The following SPIN1 variants were observed in gnomAD, a reference collection of about 807,000 sequenced individuals.
SPIN1 encodes spindlin-1.
A neutral mutation model predicts 26.0 loss-of-function variants in SPIN1; 3 were observed. That is an observed-to-expected ratio of 0.12 (90% CI 0.05 to 0.30). The LOEUF (loss-of-function observed/expected upper bound fraction) is 0.30, where lower values mean the gene tolerates loss of function less well. SPIN1 is among the 10% of genes least tolerant of loss of function. SPIN1 has a pLI of 1.00. For missense variants in SPIN1, 126 were observed against 333.4 expected (o/e 0.38, Z 4.84); for synonymous variants, 101 against 116.5 (o/e 0.87, Z 0.86).
intron 2 of SPIN1, among the ~76,000 whole-genome samples, chr9:88,440,581 C>A (rs1014633478): frequency 6.6e-6 from 1 of 151,878 alleles, no homozygotes; most frequent in Non-Finnish European, 1.5e-5. Flanking sequence ...TCCTTTCTAC[C>A]CTTTTTTTTT....
At chr9:88,428,450 C>G (rs986450766) in intron 2 of SPIN1, among the ~76,000 whole-genome samples, 1 of 152,180 alleles carries the variant, frequency 6.6e-6, no homozygotes, top group Non-Finnish European at 1.5e-5. Flanking sequence ...TCTCTTTCTG[C>G]ATTAGTTCAC....
At chr9:88,425,248 G>A (rs1425142602) in intron 1 of SPIN1, among the ~76,000 whole-genome samples, 2 of 152,128 alleles carry the variant, frequency 1.3e-5, no homozygotes, top group Non-Finnish European at 2.9e-5. Flanking sequence ...TGATGTGGCA[G>A]CTGGATAGGC....
chr9:88,427,097 T>C (rs1337473807), intron 2 of SPIN1, among the ~76,000 whole-genome samples: 1 of 152,190 alleles, frequency 6.6e-6, no homozygotes, highest in Admixed American at 6.5e-5. Flanking sequence ...TTAGCGTGCC[T>C]GCCCCAATAA....
intron 1 of SPIN1, among the ~76,000 whole-genome samples, chr9:88,399,070 T>C (rs977729359): frequency 6.6e-6 from 1 of 151,290 alleles, no homozygotes; most frequent in Non-Finnish European, 1.5e-5. Flanking sequence ...CTTGCTCTAT[T>C]GCCCAGGCTG....
In SPIN1 at chr9:88,426,154, G is replaced by A. The variant is rs577331188; in HGVS notation, c.-158-228G>A. Among the ~76,000 whole-genome samples the A allele has an allele frequency of 3.3e-5, 5 of 152,238 alleles. No individual in the cohort carries two copies. In the South Asian group the frequency reaches 1.0e-3, roughly 32 times the overall value. On this transcript the variant is annotated intron_variant, in intron 1 of 5. Transcript: ENST00000375859. ...GATCTTGGAAGAGCTTCACTTTTGG[G>A]TCTTGCACATGTCCCAGGCTTCTTT...
At chr9:88,398,434 G>T (rs1378621190) in intron 1 of SPIN1, among the ~76,000 whole-genome samples, 1 of 152,068 alleles carries the variant, frequency 6.6e-6, no homozygotes, top group African/African-American at 2.4e-5. Context: ...ATCTAGCTCA[G>T]TGTCTGAATT....
chr9:88,402,289 C>T (rs191346778), intron 1 of SPIN1, among the ~76,000 whole-genome samples: 3 of 152,044 alleles, frequency 2.0e-5, no homozygotes, highest in Non-Finnish European at 2.9e-5. Flanking sequence ...TACTGCGCCT[C>T]GTTGAGTATT....
intron 1 of SPIN1, among the ~76,000 whole-genome samples, chr9:88,414,026 A>G (rs1474941775): frequency 8.1e-6 from 1 of 123,324 alleles, no homozygotes; most frequent in Non-Finnish European, 1.5e-5. Flanking sequence ...ATAGTTTATT[A>G]TAGCAAAAAA....
At chr9:88,421,901 C>T (rs1223736661) in intron 1 of SPIN1, among the ~76,000 whole-genome samples, 3 of 151,932 alleles carry the variant, frequency 2.0e-5, no homozygotes, top group East Asian at 3.9e-4. Context: ...TGCCACATTT[C>T]ACCTGGAGGT....
intron 2 of SPIN1, among the ~76,000 whole-genome samples, chr9:88,433,584 T>C (rs150563002): frequency 1.8e-4 from 27 of 152,288 alleles, no homozygotes; most frequent in African/African-American, 3.8e-4. Context: ...TCCTGCCTTA[T>C]TGGGGAGTCT....
intron 5 of SPIN1, among the ~76,000 whole-genome samples, chr9:88,473,258 T>G (rs1457017082): frequency 7.2e-6 from 1 of 139,060 alleles, no homozygotes; most frequent in African/African-American, 3.4e-5. Flanking sequence ...CCAAGTGTGG[T>G]GGAGGGCGCC....
chr9:88,406,032 TG>T (rs1244543529), intron 1 of SPIN1, among the ~76,000 whole-genome samples: 2 of 149,562 alleles, frequency 1.3e-5, no homozygotes, highest in Non-Finnish European at 3.0e-5. Flanking sequence ...TGTGTGTGTG[TG>T]TGTGTGTGTA....
chr9:88,401,996 T>A (rs560979796), intron 1 of SPIN1, among the ~76,000 whole-genome samples: 3 of 152,292 alleles, frequency 2.0e-5, no homozygotes, highest in Admixed American at 6.5e-5. Flanking sequence ...GAGTATTTTA[T>A]CTTTTTGTTT....
intron 1 of SPIN1, among the ~76,000 whole-genome samples, chr9:88,419,955 A>G (rs1361862404): frequency 6.6e-6 from 1 of 152,230 alleles, no homozygotes; most frequent in Non-Finnish European, 1.5e-5. Flanking sequence ...GCAGTTCCCA[A>G]TCAGTGATTT....
intron 3 of SPIN1, among the ~76,000 whole-genome samples, chr9:88,461,129 A>G (rs1828570632): frequency 6.6e-6 from 1 of 152,152 alleles, no homozygotes; most frequent in Admixed American, 6.5e-5. Context: ...CACCTCTGTC[A>G]TACTTTCTGA....
intron 1 of SPIN1, among the ~76,000 whole-genome samples, chr9:88,425,129 T>A (rs1827739755): frequency 6.6e-6 from 1 of 152,040 alleles, no homozygotes; most frequent in Non-Finnish European, 1.5e-5. Flanking sequence ...AAGAACGACT[T>A]TACCTTCTGG....
rs1276332216 is a variant in SPIN1, at chr9:88,448,952, G to A, written c.64G>A (p.Val22Ile). 1.2e-6 allele frequency: 2 copies of A among 1,612,816 alleles called. No homozygotes were observed. The highest frequency in any genetic ancestry group is 2.2e-5 in the South Asian group (2 of 91,024). ...CATCTCTCTTACAGGCCATGCTGGA[G>A]TATCTGCCAACATGATGAAGAAGAG... ...RSRADAGHAG[V>I]SANMMKKRTS... Residue 22 changes from valine (V) to isoleucine (I), a missense_variant, in exon 3 of 6, where the codon GTA (valine) becomes ATA (isoleucine). Physicochemically the swap from Val to Ile is conservative, Grantham distance 29. Transcript: ENST00000375859.
intron 2 of SPIN1, among the ~76,000 whole-genome samples, chr9:88,445,400 T>C (rs984644676): frequency 1.1e-4 from 16 of 151,968 alleles, no homozygotes; most frequent in African/African-American, 2.9e-4. Flanking sequence ...CGTATGAACA[T>C]GCTGGGTGAA....
rs999225842 is a variant in SPIN1 at position 88,477,524 on chromosome 9, G to A, written c.*2247G>A. On this transcript the variant is annotated 3_prime_UTR_variant, in exon 6 of 6. Coordinates refer to ENST00000375859, the MANE Select transcript of SPIN1 (RefSeq NM_006717.3). ...GTTCATTTATTGCCTTTAGGGCTGAGGGAAAGGGAAGGTTTGTTTTTTTTT... is the reference window on the plus strand; with the variant it reads ...GTTCATTTATTGCCTTTAGGGCTGAAGGAAAGGGAAGGTTTGTTTTTTTTT... The A allele has an allele frequency of 2.0e-5, 3 of 152,348 alleles. No individual in the cohort carries two copies. Among genetic ancestry groups the A allele is most frequent in the African/African-American group, 7.2e-5 (3 of 41,402 alleles). 9.4% of individuals were successfully genotyped at this position (152,348 alleles called of 1,614,324 possible). A position where few individuals can be genotyped will look rare whatever the true frequency, so the allele number is the denominator to read the frequency against.
Sources: allele counts gnomAD v4.1 joint callset (sites outside exome capture counted in the v4.1 genomes callset), GRCh38; gene constraint gnomAD v4.1.1; transcripts MANE v1.5; gene names NCBI Gene and HGNC (gene_info 2026-07-23, HGNC 2026-07-21).